RIN2: variants seen among roughly 807,000 people sequenced by gnomAD.
The protein encoded by RIN2 is RAB5 interacting protein 2.
RIN2 carries 36 observed loss-of-function variants against 78.0 expected under a neutral mutation model. That is an observed-to-expected ratio of 0.46 (90% CI 0.35 to 0.61). The LOEUF (loss-of-function observed/expected upper bound fraction) is 0.61, where lower values mean the gene tolerates loss of function less well. Ranked by LOEUF, RIN2 falls within the 20% of genes least tolerant of loss-of-function variation. The pLI, the probability that RIN2 is intolerant of heterozygous loss-of-function variation, is 0.00. For missense variants in RIN2, 1,087 were observed against 1,159.7 expected (o/e 0.94, Z 0.91); for synonymous variants, 466 against 466.8 (o/e 1.00, Z 0.02).
chr20:19,851,442 G>T (rs1027488185), intron 2 of RIN2, among the ~76,000 whole-genome samples: 10 of 152,148 alleles, frequency 6.6e-5, no homozygotes, highest in Admixed American at 6.5e-5. Flanking sequence ...TGGTCTTGGG[G>T]CTGGGCATGA....
At chr20:19,955,812 CA>C (rs2041507105) in intron 4 of RIN2, among the ~76,000 whole-genome samples, 1 of 152,084 alleles carries the variant, frequency 6.6e-6, no homozygotes, top group Admixed American at 6.6e-5. Flanking sequence ...AAATAAAATC[CA>C]ATCATTCAGG....
chr20:19,757,682 C>T (rs1232385458), upstream of RIN2: 1 of 152,386 alleles, frequency 6.6e-6, no homozygotes, highest in Admixed American at 6.5e-5. Flanking sequence ...CTTTCCAGCC[C>T]CTGCAACAGA....
intron 11 of RIN2, among the ~76,000 whole-genome samples, chr20:19,996,223 A>T (rs1026146041): frequency 3.3e-5 from 5 of 152,184 alleles, no homozygotes; most frequent in African/African-American, 1.2e-4. Context: ...CTGAGGTGGG[A>T]GCGTCGCTTG....
chr20:19,913,332 G>A (rs1003289439), intron 3 of RIN2, among the ~76,000 whole-genome samples: 15 of 151,838 alleles, frequency 9.9e-5, no homozygotes, highest in African/African-American at 3.6e-4. Flanking sequence ...AAGCACTTTA[G>A]TGATGGTGTC....
intron 12 of RIN2, among the ~76,000 whole-genome samples, chr20:19,999,540 AATC>A (rs1286308401): frequency 2.0e-5 from 3 of 152,188 alleles, no homozygotes; most frequent in Admixed American, 2.0e-4. Context: ...AGCAGAAAAA[AATC>A]TATTTGTTTT....
chr20:19,940,536 T>C (rs1296979232), intron 4 of RIN2, among the ~76,000 whole-genome samples: 1 of 152,116 alleles, frequency 6.6e-6, no homozygotes, highest in Non-Finnish European at 1.5e-5. Context: ...GCTGATTAAA[T>C]CTCCCTCCAT....
At chr20:19,957,145 G>T (rs746558200) in intron 5 of RIN2, among the ~76,000 whole-genome samples, 22 of 152,162 alleles carry the variant, frequency 1.4e-4, no homozygotes, top group Non-Finnish European at 2.9e-4. Flanking sequence ...TGAGATCCTT[G>T]GTGGCCTCTG....
At chr20:19,900,086 G>T (rs1020688454) in intron 3 of RIN2, among the ~76,000 whole-genome samples, 47 of 152,316 alleles carry the variant, frequency 3.1e-4, no homozygotes, top group African/African-American at 1.1e-3. Flanking sequence ...TGCTCTCTCA[G>T]TTCCAACCAA....
At chr20:19,935,565 C>G (rs1472575519) in intron 4 of RIN2, 2 of 1,015,552 alleles carry the variant, frequency 2.0e-6, no homozygotes, top group Non-Finnish European at 2.4e-6. Context: ...AGAAGGCTTA[C>G]AGGGGAGCAG....
chr20:19,956,532 G>C, intron 4 of RIN2, 83 bp from the exon 5 acceptor site: 2 of 1,317,552 alleles, frequency 1.5e-6, no homozygotes, highest in Non-Finnish European at 1.1e-6. Flanking sequence ...TGGCAAGCCT[G>C]GCCTATGAAC....
Position 19,970,178 on chromosome 20 carries a change from C to T in RIN2, c.537-660C>T, listed in dbSNP as rs79480840. ...GTCCAGGGTCCAGCAGCATCAGCATCCTCTAAGAGCTTGGCAGAAATGCCG... is the reference window on the plus strand; with the variant it reads ...GTCCAGGGTCCAGCAGCATCAGCATTCTCTAAGAGCTTGGCAGAAATGCCG... On this transcript the variant is annotated intron_variant, in intron 7 of 12. Coordinates refer to ENST00000255006, the MANE Select transcript of RIN2 (RefSeq NM_018993.4). Among the ~76,000 whole-genome samples, 1,009 of 152,366 alleles carry T rather than the reference C, an allele frequency of 6.6e-3. 22 individuals are homozygous for T. The East Asian group carries it at 0.085, about 13-fold the overall frequency.
chr20:19,940,036 G>C (rs919969453), intron 4 of RIN2, among the ~76,000 whole-genome samples: 1 of 152,032 alleles, frequency 6.6e-6, no homozygotes, highest in African/African-American at 2.4e-5. Context: ...TTGTATTTTA[G>C]TGGAGACATT....
rs117605115 is a variant in RIN2 at position 19,767,216 on chromosome 20, C to T, written c.-163+8889C>T. Among the ~76,000 whole-genome samples the T allele has an allele frequency of 1.4e-3, 210 of 152,268 alleles. 1 individual carries two copies. The East Asian group carries it at 0.036, about 26-fold the overall frequency. On this transcript the variant is annotated intron_variant, in intron 1 of 12. Transcript: ENST00000255006. The stretch of plus-strand genomic sequence containing the variant: ...ACTGGACAAACAGTCTGATTGAGTG[C>T]GAACAGACTGCTTGGGGAGATCCAG...
intron 2 of RIN2, among the ~76,000 whole-genome samples, chr20:19,877,243 T>G (rs549771712): frequency 3.4e-5 from 5 of 148,696 alleles, no homozygotes; most frequent in Admixed American, 6.9e-5. Context: ...GTTTTCCTAT[T>G]ATCTGCAGTA....
At position 19,788,432 on chromosome 20, in the gene RIN2, C is replaced by CAAAAAAAAAAA. The variant is rs1224663738; in HGVS notation, c.-162-11183_-162-11173dup. ...CAACATGGCGAAATCCTGTCTCTGC[C>CAAAAAAAAAAA]AAAAAAAAAAAAAAAAACAACTAGC... On this transcript the variant is annotated intron_variant, in intron 1 of 12. Coordinates refer to ENST00000255006, the MANE Select transcript of RIN2 (RefSeq NM_018993.4). Among the ~76,000 whole-genome samples, 130 of 53,692 alleles carry CAAAAAAAAAAA rather than the reference C, an allele frequency of 2.4e-3. 2 individuals carry two copies. The highest frequency in any genetic ancestry group is 4.3e-3 in the African/African-American group (39 of 9,106). The allele number at this position is 53,692 out of a possible 152,430, so 35.2% of individuals were successfully genotyped here. A position where few individuals can be genotyped will look rare whatever the true frequency, so the allele number is the denominator to read the frequency against.
chr20:19,998,916 C>T (rs960012973), intron 12 of RIN2, among the ~76,000 whole-genome samples: 11 of 152,170 alleles, frequency 7.2e-5, no homozygotes, highest in African/African-American at 2.7e-4. Context: ...CACCTCTTCA[C>T]CTGGAGACCC....
At chr20:19,868,240 C>T (rs1422440484) in intron 2 of RIN2, among the ~76,000 whole-genome samples, 3 of 152,212 alleles carry the variant, frequency 2.0e-5, no homozygotes, top group Admixed American at 6.5e-5. Context: ...AACCACGCAT[C>T]GCCTGACCCA....
chr20:19,759,105 C>T (rs937316640), intron 1 of RIN2, among the ~76,000 whole-genome samples: 17 of 152,210 alleles, frequency 1.1e-4, no homozygotes, highest in Non-Finnish European at 5.9e-5. Flanking sequence ...CACCCACCGG[C>T]GGTGGCGCGC....
chr20:19,760,350 T>G (rs2033587207), intron 1 of RIN2, among the ~76,000 whole-genome samples: 1 of 152,192 alleles, frequency 6.6e-6, no homozygotes, highest in Non-Finnish European at 1.5e-5. Flanking sequence ...TCTGGAAACA[T>G]TCTCCTGCAG....
Sources: allele counts gnomAD v4.1 joint callset (sites outside exome capture counted in the v4.1 genomes callset), GRCh38; gene constraint gnomAD v4.1.1; transcripts MANE v1.5; gene names NCBI Gene and HGNC (gene_info 2026-07-23, HGNC 2026-07-21).